The following TLK1 variants were observed in gnomAD, a reference collection of about 807,000 sequenced individuals.
The protein encoded by TLK1 is tousled like kinase 1, also known as serine/threonine-protein kinase tousled-like 1.
In TLK1, 24 loss-of-function variants were observed where a neutral mutation model predicts 105.3. The ratio of observed to expected loss-of-function variants is 0.23; its 90% confidence interval spans 0.17 to 0.32. The LOEUF (loss-of-function observed/expected upper bound fraction) is 0.32, where lower values mean the gene tolerates loss of function less well. Among genes scored for constraint, TLK1 ranks in the 10% least tolerant of loss-of-function variants. The pLI, the probability that TLK1 is intolerant of heterozygous loss-of-function variation, is 1.00. For missense variants in TLK1, 558 were observed against 910.5 expected, an observed-to-expected ratio of 0.61 and a Z score of 4.98; for synonymous variants, 321 against 310.4, an observed-to-expected ratio of 1.03 and a Z score of -0.36.
chr2:171,228,476 A>G (rs1160705493), intron 1 of TLK1, among the ~76,000 whole-genome samples: 3 of 152,186 alleles, frequency 2.0e-5, no homozygotes, highest in Admixed American at 2.0e-4. Flanking sequence ...GCTTGAGCCC[A>G]GGAGTTCGAG....
chr2:171,215,062 TCCCGAGTAG>T (rs918721473), intron 1 of TLK1, among the ~76,000 whole-genome samples: 1 of 152,050 alleles, frequency 6.6e-6, no homozygotes, highest in African/African-American at 2.4e-5. Context: ...CATCTTAGTC[TCCCGAGTAG>T]CTGGGACTAC....
At chr2:171,103,394 C>T (rs553312344) in intron 2 of TLK1, among the ~76,000 whole-genome samples, 4 of 151,920 alleles carry the variant, frequency 2.6e-5, no homozygotes, top group Admixed American at 6.5e-5. Flanking sequence ...TCTCCTGCCT[C>T]GGATTCCTGA....
At chr2:171,133,239 T>C (rs1462516858) in intron 1 of TLK1, among the ~76,000 whole-genome samples, 1 of 151,956 alleles carries the variant, frequency 6.6e-6, no homozygotes. Flanking sequence ...TAAGAGAAAA[T>C]AGGAGCCTAA....
chr2:171,132,451 C>G (rs747198385), intron 1 of TLK1, among the ~76,000 whole-genome samples: 8 of 152,114 alleles, frequency 5.3e-5, no homozygotes, highest in Admixed American at 1.3e-4. Context: ...TACTTACCCC[C>G]CCCAACACGA....
intron 1 of TLK1, among the ~76,000 whole-genome samples, chr2:171,217,136 A>T (rs1268111222): frequency 1.3e-5 from 2 of 152,220 alleles, no homozygotes; most frequent in African/African-American, 4.8e-5. Flanking sequence ...AGGGAAAGAA[A>T]CAAAAACCTG....
chr2:171,147,246 C>A (rs1292008088), intron 1 of TLK1, among the ~76,000 whole-genome samples: 1 of 152,146 alleles, frequency 6.6e-6, no homozygotes, highest in Non-Finnish European at 1.5e-5. Context: ...ACAAACTATG[C>A]CAATAAGTTT....
intron 1 of TLK1, among the ~76,000 whole-genome samples, chr2:171,192,144 T>A (rs1693166961): frequency 6.6e-6 from 1 of 152,110 alleles, no homozygotes; most frequent in African/African-American, 2.4e-5. Context: ...TCCTCCTACC[T>A]CAGCCACTGG....
At position 171,098,185 on chromosome 2, in the gene TLK1, T is replaced by C. The variant is rs538966122; in HGVS notation, c.259-15333A>G. On this transcript the variant is annotated intron_variant, in intron 2 of 20. Transcript: ENST00000431350. ...TAAGTTCTGAAGCTCTAATGTACAG[T>C]ATGGTGATTACAGTTAATAATATAG... Among the ~76,000 whole-genome samples the C allele has an allele frequency of 3.0e-4, 46 of 152,064 alleles. 1 individual carries two copies. Among genetic ancestry groups the C allele is most frequent in the Admixed American group, 9.8e-4 (15 of 15,258 alleles).
intron 1 of TLK1, among the ~76,000 whole-genome samples, chr2:171,144,474 G>A (rs545847310): frequency 4.0e-4 from 61 of 152,194 alleles, no homozygotes; most frequent in Admixed American, 7.9e-4. Context: ...TACAAAGTAC[G>A]TTCTCTGATC....
rs565418231 is a variant in TLK1 at position 171,033,090 on chromosome 2, C to T, written c.1170-4685G>A. ...GCGTGGTGATGGGCACCTGCAATCC[C>T]AGATACTTGGGAGGTTGAGAAAGGA... On this transcript the variant is annotated intron_variant, in intron 11 of 20. Coordinates refer to ENST00000431350, the MANE Select transcript of TLK1 (RefSeq NM_012290.5). Among the ~76,000 whole-genome samples the T allele has an allele frequency of 1.1e-4, 16 of 152,040 alleles. No homozygotes were observed. The South Asian group carries it at 1.2e-3, about 12-fold the overall frequency.
At chr2:171,066,523 C>T (rs1290175786) in intron 3 of TLK1, among the ~76,000 whole-genome samples, 3 of 152,122 alleles carry the variant, frequency 2.0e-5, no homozygotes, top group African/African-American at 4.8e-5. Context: ...CATTCACAAC[C>T]GTATCAGTAC....
chr2:171,114,385 T>TA (rs745798327), intron 2 of TLK1, among the ~76,000 whole-genome samples: 2 of 150,696 alleles, frequency 1.3e-5, no homozygotes, highest in East Asian at 3.8e-4. Flanking sequence ...TGGGTTGGTC[T>TA]AATCTAATCA....
intron 1 of TLK1, among the ~76,000 whole-genome samples, chr2:171,174,595 G>T (rs7568058): frequency 0.55 from 82,791 of 151,792 alleles, 22,837 homozygotes; most frequent in Admixed American, 0.64. Context: ...CTTTGTTTTA[G>T]AATTATTTTT....
intron 2 of TLK1, among the ~76,000 whole-genome samples, chr2:171,095,927 G>A (rs778534066): frequency 1.3e-5 from 2 of 151,894 alleles, no homozygotes; most frequent in Non-Finnish European, 2.9e-5. Context: ...AGGATGAAAA[G>A]CTGGCAGCTT....
At chr2:171,002,994 G>C (rs566422845) in intron 18 of TLK1, among the ~76,000 whole-genome samples, 10 of 151,828 alleles carry the variant, frequency 6.6e-5, no homozygotes, top group South Asian at 4.2e-4. Context: ...ACAAGGTTTC[G>C]CTGGGCGTGG....
chr2:171,118,555 A>C (rs1245329670), intron 1 of TLK1, among the ~76,000 whole-genome samples: 1 of 152,214 alleles, frequency 6.6e-6, no homozygotes, highest in Non-Finnish European at 1.5e-5. Context: ...TACTAGTATT[A>C]AACCACCTTG....
chr2:171,024,892 C>T (rs768261361), intron 12 of TLK1, among the ~76,000 whole-genome samples: 5 of 152,062 alleles, frequency 3.3e-5, no homozygotes, highest in Admixed American at 6.5e-5. Flanking sequence ...GGGTGAGCAA[C>T]GACTGCTTAA....
intron 18 of TLK1, among the ~76,000 whole-genome samples, chr2:171,001,425 AC>A (rs1242840250): frequency 1.3e-5 from 2 of 152,182 alleles, no homozygotes; most frequent in Non-Finnish European, 2.9e-5. Context: ...GTACTTCCTG[AC>A]TTCAGGGATA....
At chr2:171,227,209 AG>A (rs1693913201) in intron 1 of TLK1, among the ~76,000 whole-genome samples, 1 of 152,140 alleles carries the variant, frequency 6.6e-6, no homozygotes, top group African/African-American at 2.4e-5. Context: ...CCCAGCCCCA[AG>A]CTCTAATGAT....
Sources: allele counts gnomAD v4.1 joint callset (sites outside exome capture counted in the v4.1 genomes callset), GRCh38; gene constraint gnomAD v4.1.1; transcripts MANE v1.5; gene names NCBI Gene and HGNC (gene_info 2026-07-23, HGNC 2026-07-21).